ENTREP2: variants seen among roughly 807,000 people sequenced by gnomAD.
The protein encoded by ENTREP2 is protein ENTREP2.
chr15:29,536,055 T>C, the ENTREP2 span, among the ~76,000 whole-genome samples: 1 of 152,140 alleles, frequency 6.6e-6, no homozygotes, highest in Admixed American at 6.5e-5. Flanking sequence ...CCTTTTCCCA[T>C]GTGACTCAAG....
At chr15:29,378,797 G>A in the ENTREP2 span, among the ~76,000 whole-genome samples, 1 of 152,128 alleles carries the variant, frequency 6.6e-6, no homozygotes, top group East Asian at 1.9e-4. Flanking sequence ...ATCTGTGTAT[G>A]CGTGTGTATA....
chr15:29,537,259 T>C, the ENTREP2 span, among the ~76,000 whole-genome samples: 1 of 151,686 alleles, frequency 6.6e-6, no homozygotes, highest in African/African-American at 2.4e-5. Context: ...CCCACTAGAG[T>C]CCACGCACCG....
At chr15:29,324,413 T>C in the ENTREP2 span, among the ~76,000 whole-genome samples, 1 of 152,162 alleles carries the variant, frequency 6.6e-6, no homozygotes, top group Non-Finnish European at 1.5e-5. Context: ...TCAATCCAAC[T>C]GTGCAATAAT....
chr15:29,474,218 C>T, the ENTREP2 span, among the ~76,000 whole-genome samples: 6 of 152,076 alleles, frequency 3.9e-5, no homozygotes, highest in African/African-American at 7.2e-5. Context: ...AGTTGGTGGG[C>T]GAGAAGAGAG....
chr15:29,507,052 C>A, the ENTREP2 span, among the ~76,000 whole-genome samples: 1 of 151,478 alleles, frequency 6.6e-6, no homozygotes. Flanking sequence ...AATAAAGGGA[C>A]GGAGGAAGAT....
chr15:29,263,398 G>T, the ENTREP2 span, among the ~76,000 whole-genome samples: 1 of 152,312 alleles, frequency 6.6e-6, no homozygotes, highest in South Asian at 2.1e-4. Context: ...CATGTCCTGG[G>T]AGAGGCCAAG....
At chr15:29,161,117 T>C in the ENTREP2 span, among the ~76,000 whole-genome samples, 1 of 152,198 alleles carries the variant, frequency 6.6e-6, no homozygotes, top group Non-Finnish European at 1.5e-5. Context: ...CAGTCTGCCA[T>C]GGGCCCTGAG....
chr15:29,123,675 G>A, the ENTREP2 span: 3 of 1,542,446 alleles, frequency 1.9e-6, no homozygotes, highest in East Asian at 2.5e-5. Flanking sequence ...AAGGGCAAAA[G>A]TGCAGTTCAA....
chr15:29,365,028 A>G, the ENTREP2 span, among the ~76,000 whole-genome samples: 1 of 152,174 alleles, frequency 6.6e-6, no homozygotes, highest in East Asian at 1.9e-4. Flanking sequence ...TATATTATAC[A>G]GAATAGTTTC....
chr15:29,450,114 A>G, the ENTREP2 span, among the ~76,000 whole-genome samples: 1 of 151,982 alleles, frequency 6.6e-6, no homozygotes, highest in African/African-American at 2.4e-5. Context: ...TTGCTTGTAC[A>G]TTTGTTTAAG....
chr15:29,166,932 C>T, the ENTREP2 span, among the ~76,000 whole-genome samples: 1 of 151,960 alleles, frequency 6.6e-6, no homozygotes, highest in Admixed American at 6.6e-5. Context: ...ACTATAAGGC[C>T]AAAGTTGCAA....
the ENTREP2 span, among the ~76,000 whole-genome samples, chr15:29,434,220 C>G: frequency 6.6e-6 from 1 of 152,176 alleles, no homozygotes; most frequent in Non-Finnish European, 1.5e-5. Context: ...TTGCAGAATT[C>G]AGCAATCTAT....
the ENTREP2 span, among the ~76,000 whole-genome samples, chr15:29,194,339 C>T: frequency 6.6e-6 from 1 of 152,358 alleles, no homozygotes; most frequent in East Asian, 1.9e-4. Flanking sequence ...CCACTGCTGC[C>T]ACTTCCAGAC....
chr15:29,494,557 T>C, the ENTREP2 span, among the ~76,000 whole-genome samples: 1 of 152,196 alleles, frequency 6.6e-6, no homozygotes. Flanking sequence ...TCTTAGCAAA[T>C]TTCAAGTATA....
At chr15:29,496,387 A>C in the ENTREP2 span, among the ~76,000 whole-genome samples, 2 of 151,498 alleles carry the variant, frequency 1.3e-5, no homozygotes, top group Admixed American at 1.3e-4. Flanking sequence ...TAAAATAAAT[A>C]AATAAAATAA....
At chr15:29,198,588 T>C in the ENTREP2 span, among the ~76,000 whole-genome samples, 1 of 152,372 alleles carries the variant, frequency 6.6e-6, no homozygotes, top group Middle Eastern at 3.4e-3. Flanking sequence ...ACCGTTCATA[T>C]TGTGAAACCT....
the ENTREP2 span, among the ~76,000 whole-genome samples, chr15:29,179,098 G>A: frequency 6.6e-6 from 1 of 152,170 alleles, no homozygotes; most frequent in Non-Finnish European, 1.5e-5. Flanking sequence ...GAAATAACAG[G>A]CTAAATTTGC....
chr15:29,484,789 A>G, the ENTREP2 span, among the ~76,000 whole-genome samples: 3 of 152,236 alleles, frequency 2.0e-5, no homozygotes, highest in Non-Finnish European at 4.4e-5. Flanking sequence ...GAATGAAATA[A>G]GAACTTAAGT....
the ENTREP2 span, among the ~76,000 whole-genome samples, chr15:29,224,156 C>G: frequency 6.6e-6 from 1 of 152,134 alleles, no homozygotes; most frequent in Non-Finnish European, 1.5e-5. Flanking sequence ...GTCTCGCTGG[C>G]TCAGCAGTGA....
Sources: gnomAD v4.1 joint callset for allele counts (sites outside exome capture counted in the v4.1 genomes callset) on GRCh38, gnomAD v4.1.1 for gene constraint, MANE v1.5 for transcripts, NCBI Gene and HGNC (gene_info 2026-07-23, HGNC 2026-07-21) for gene names.